The following MFAP3L variants were observed in gnomAD, a reference collection of about 807,000 sequenced individuals.
MFAP3L encodes microfibrillar-associated protein 3-like.
MFAP3L carries 5 observed loss-of-function variants against 20.0 expected under a neutral mutation model. The observed-to-expected ratio is 0.25, with a 90% CI of 0.13 to 0.53. MFAP3L has a LOEUF of 0.53. Among genes scored for constraint, MFAP3L ranks in the 20% least tolerant of loss-of-function variants. The pLI, the probability that MFAP3L is intolerant of heterozygous loss-of-function variation, is 0.96. For synonymous variants in MFAP3L, 219 were observed against 213.0 expected (o/e 1.03, Z -0.25); for missense variants, 409 against 527.5 (o/e 0.78, Z 2.20).
At position 170,020,040 on chromosome 4, in the gene MFAP3L, C is replaced by G. The variant is rs1739930114; in HGVS notation, c.-134+6194G>C. ...AAAGTCTGTGCCCTGTGATAAGGTT[C>G]CGACTTCTTCCCTCGCATGTGGTGC... is the stretch of plus-strand genomic sequence containing the variant. On this transcript the variant is annotated intron_variant, in intron 1 of 2. Transcript: ENST00000361618. 2.0e-5 allele frequency among the ~76,000 whole-genome samples: 3 copies of G among 152,280 alleles called. No individual in the cohort carries two copies. The South Asian group carries it at 6.2e-4, about 32-fold the overall frequency.
intron 2 of MFAP3L, among the ~76,000 whole-genome samples, chr4:169,996,026 T>C (rs1020941170): frequency 2.7e-4 from 8 of 29,312 alleles, no homozygotes; most frequent in Non-Finnish European, 5.6e-4. Flanking sequence ...CCCCCCACCC[T>C]GAAATACCCT....
At chr4:170,016,042 C>T (rs1304290232) in intron 1 of MFAP3L, among the ~76,000 whole-genome samples, 4 of 151,834 alleles carry the variant, frequency 2.6e-5, no homozygotes, top group African/African-American at 9.7e-5. Context: ...ATAATTGTCC[C>T]ATTAAAAAAA....
chr4:169,991,334 C>A lies in MFAP3L; in HGVS notation c.*44G>T, dbSNP rs377076214. The A allele has an allele frequency of 1.3e-5, 21 of 1,569,974 alleles. No individual in the cohort carries two copies. The African/African-American group carries it at 2.9e-4, about 21-fold the overall frequency. On this transcript the variant is annotated 3_prime_UTR_variant, in exon 3 of 3. Coordinates refer to ENST00000361618, the MANE Select transcript of MFAP3L (RefSeq NM_021647.8). This position sits in a 1 kb window ranked among gnomAD's most constrained non-coding sequence, Gnocchi z 4.9. ...CGTACTACATCTGTATTACAAGGAG[C>A]AGCCCCTGATTTTCTTGATATGCAT... is the stretch of plus-strand genomic sequence containing the variant.
Position 169,988,881 on chromosome 4 carries a change from ATT to A in MFAP3L, c.*2495_*2496del, listed in dbSNP as rs1269921227. 6.6e-6 allele frequency: 1 copy of A among 152,102 alleles called. No homozygotes were observed. The highest frequency in any genetic ancestry group is 1.5e-5 in the Non-Finnish European group (1 of 68,014). The allele number at this position is 152,102 out of a possible 1,614,324, so 9.4% of individuals were successfully genotyped here. On this transcript the variant is annotated 3_prime_UTR_variant, in exon 3 of 3. Transcript: ENST00000361618. Reference sequence around the variant, plus strand: ...ATCAGGAAACATTCTTTGGCCGCATATTTCTGCTCTTGCTCCACTGAAAATCT... The same window carrying A: ...ATCAGGAAACATTCTTTGGCCGCATATCTGCTCTTGCTCCACTGAAAATCT...
At chr4:170,013,165 A>T (rs972377288) in intron 1 of MFAP3L, among the ~76,000 whole-genome samples, 3 of 152,224 alleles carry the variant, frequency 2.0e-5, no homozygotes, top group African/African-American at 7.2e-5. Context: ...AAAAGTAAAA[A>T]TAATACAAAA....
chr4:169,999,082 C>T (rs1350528594), intron 2 of MFAP3L, among the ~76,000 whole-genome samples: 1 of 152,208 alleles, frequency 6.6e-6, no homozygotes, highest in Non-Finnish European at 1.5e-5. Flanking sequence ...ATGGCTGCAC[C>T]TGTTACAAGG....
Position 169,992,199 on chromosome 4 carries a change from T to C in MFAP3L, c.409A>G (p.Thr137Ala). ...ASNIYGTVNN[T>A]VTLRVIFTSG... is the part of the protein sequence containing the mutation. ...GTGAAGATGACGCGCAAGGTCACCG[T>C]GTTGTTCACGGTGCCGTAGATGTTA... Residue 137 changes from threonine to alanine, a missense_variant, in exon 3 of 3, where the codon ACG (threonine) becomes GCG (alanine). Thr to Ala is a moderately conservative substitution (Grantham distance 58). Transcript: ENST00000361618. The surrounding 1 kb of genome is among the most constrained non-coding windows in gnomAD (Gnocchi z 4.3). 6.2e-7 allele frequency: 1 copy of C among 1,614,100 alleles called. No individual in the cohort carries two copies. Among genetic ancestry groups the C allele is most frequent in the Non-Finnish European group, 8.5e-7 (1 of 1,180,014 alleles).
In MFAP3L at chr4:170,011,399, C is replaced by A. The variant is rs138540670; in HGVS notation, c.-133-5389G>T. On this transcript the variant is annotated intron_variant, in intron 1 of 2. Coordinates refer to ENST00000361618, the MANE Select transcript of MFAP3L (RefSeq NM_021647.8). ...CAAAGTCCTATTACAGAGATTCATA[C>A]TGCCCTTTCTTGCCCTTTCTTGTCC... Among the ~76,000 whole-genome samples, 6 of 152,220 alleles carry A rather than the reference C, an allele frequency of 3.9e-5. No homozygotes were observed. The East Asian group carries it at 1.2e-3, about 29-fold the overall frequency.
chr4:169,998,967 G>C lies in MFAP3L; in HGVS notation c.298+6613C>G, dbSNP rs148931405. Among the ~76,000 whole-genome samples, 187 of 152,360 alleles carry C rather than the reference G, an allele frequency of 1.2e-3. 1 individual carries two copies. The highest frequency in any genetic ancestry group is 4.1e-3 in the African/African-American group (172 of 41,584). On this transcript the variant is annotated intron_variant, in intron 2 of 2. Transcript: ENST00000361618. ...AGAAGCACAAAATGCGTGCATATGTGTTTGTATCTATAAATGTGGCACATA... is the reference window on the plus strand; with the variant it reads ...AGAAGCACAAAATGCGTGCATATGTCTTTGTATCTATAAATGTGGCACATA...
intron 2 of MFAP3L, among the ~76,000 whole-genome samples, chr4:169,998,922 G>A (rs986811878): frequency 2.0e-5 from 3 of 152,208 alleles, no homozygotes; most frequent in Admixed American, 6.5e-5. Context: ...CGAGGATTGC[G>A]TAGAATCGGC....
At position 170,021,825 on chromosome 4, in the gene MFAP3L, T is replaced by C. The variant is rs557982906; in HGVS notation, c.-134+4409A>G. On this transcript the variant is annotated intron_variant, in intron 1 of 2. Coordinates refer to ENST00000361618, the MANE Select transcript of MFAP3L (RefSeq NM_021647.8). ...ATTCAAACCCAAAAGTTAGTTTATG[T>C]AGTATTATAGCTGTCAACTCCCACA... 1.6e-4 allele frequency among the ~76,000 whole-genome samples: 25 copies of C among 152,334 alleles called. No individual in the cohort carries two copies. In the South Asian group the frequency reaches 4.1e-3, roughly 25 times the overall value.
chr4:170,026,223 C>T lies in MFAP3L; in HGVS notation c.-134+11G>A. ...CCCCTCCGCCCCGGCCCGCCGGGGG[C>T]CCCCGCTAACCTGACACCGCCGCGC... On this transcript the variant is annotated intron_variant, in intron 1 of 2. Coordinates refer to ENST00000361618, the MANE Select transcript of MFAP3L (RefSeq NM_021647.8). 1 of 984,326 alleles carries T rather than the reference C, an allele frequency of 1.0e-6. No individual in the cohort carries two copies. 61.0% of individuals were successfully genotyped at this position (984,326 alleles called of 1,614,324 possible). A position where few individuals can be genotyped will look rare whatever the true frequency, so the allele number is the denominator to read the frequency against.
At chr4:170,006,540 T>C (rs1312800671) in intron 1 of MFAP3L, 1 of 152,246 alleles carries the variant, frequency 6.6e-6, no homozygotes, top group East Asian at 1.9e-4. Flanking sequence ...CAAATATTTC[T>C]TATATTAAAT....
intron 1 of MFAP3L, among the ~76,000 whole-genome samples, chr4:170,025,058 C>T (rs111531904): frequency 2.3e-4 from 35 of 152,258 alleles, no homozygotes; most frequent in African/African-American, 8.2e-4. Flanking sequence ...TTTATCTTGC[C>T]CCTATTAGAT....
intron 1 of MFAP3L, among the ~76,000 whole-genome samples, chr4:170,010,760 T>C (rs1293682961): frequency 6.6e-6 from 1 of 151,388 alleles, no homozygotes; most frequent in Non-Finnish European, 1.5e-5. Context: ...CTATTAGTAG[T>C]TAAGTTCTGG....
chr4:170,009,937 C>T (rs1739274857), intron 1 of MFAP3L, among the ~76,000 whole-genome samples: 1 of 152,206 alleles, frequency 6.6e-6, no homozygotes, highest in Admixed American at 6.5e-5. Flanking sequence ...GCCCCAACTA[C>T]TCTGATGAAT....
At chr4:170,008,755 G>A (rs1739194767) in intron 1 of MFAP3L, among the ~76,000 whole-genome samples, 1 of 152,154 alleles carries the variant, frequency 6.6e-6, no homozygotes, top group African/African-American at 2.4e-5. Flanking sequence ...CATCGCATGT[G>A]CACCTACCAA....
At chr4:170,027,220 C>CTTTTTTTT (rs746561915), upstream of MFAP3L, 5 of 133,016 alleles carry the variant, frequency 3.8e-5, no homozygotes, top group Admixed American at 7.6e-5. Flanking sequence ...CCTTATCTCC[C>CTTTTTTTT]TTTTTTTTTT....
In MFAP3L at chr4:169,992,453, G is replaced by A. The variant is rs375917965; in HGVS notation, c.299-144C>T. 42 of 711,830 alleles carry A rather than the reference G, an allele frequency of 5.9e-5. No individual in the cohort carries two copies. Among genetic ancestry groups the A allele is most frequent in the Non-Finnish European group, 8.5e-5 (37 of 436,506 alleles). 44.1% of individuals were successfully genotyped at this position (711,830 alleles called of 1,614,324 possible). ...CGTCGACTTCACATGCTTACTATGC[G>A]GCAGGCAGTGACATGCATCAGCTCA... On this transcript the variant is annotated intron_variant, in intron 2 of 2. Coordinates refer to ENST00000361618, the MANE Select transcript of MFAP3L (RefSeq NM_021647.8). This position sits in a 1 kb window ranked among gnomAD's most constrained non-coding sequence, Gnocchi z 4.3.
Sources: gnomAD v4.1 joint callset for allele counts (sites outside exome capture counted in the v4.1 genomes callset) on GRCh38, gnomAD v4.1.1 for gene constraint, Gnocchi (gnomAD v3.1) non-coding constraint, MANE v1.5 for transcripts, NCBI Gene and HGNC (gene_info 2026-07-23, HGNC 2026-07-21) for gene names.